The following COL28A1 variants were observed in gnomAD, a reference collection of about 807,000 sequenced individuals.
COL28A1 encodes the protein collagen type XXVIII alpha 1 chain.
COL28A1 carries 161 observed loss-of-function variants against 150.2 expected under a neutral mutation model. That is an observed-to-expected ratio of 1.07 (90% CI 0.94 to 1.22). The LOEUF (loss-of-function observed/expected upper bound fraction) is 1.22. Ranked by LOEUF, COL28A1 falls within the 50% of genes most tolerant of loss-of-function variation. The probability of loss-of-function intolerance (pLI) is 0.00; values close to 1 mark genes in which losing one functional copy is unlikely to be tolerated. For synonymous variants in COL28A1, 552 were observed against 469.7 expected (o/e 1.18, Z -2.26); for missense variants, 1,617 against 1,388.3 (o/e 1.16, Z -2.62).
intron 25 of COL28A1, among the ~76,000 whole-genome samples, chr7:7,423,083 T>A (rs58711913): frequency 0.021 from 3,173 of 152,314 alleles, 105 homozygotes; most frequent in African/African-American, 0.071. Context: ...TATTAAGGAA[T>A]TGTTCATTTG....
At chr7:7,529,402 A>C (rs182307705) in intron 3 of COL28A1, among the ~76,000 whole-genome samples, 73 of 152,184 alleles carry the variant, frequency 4.8e-4, no homozygotes, top group African/African-American at 1.7e-3. Flanking sequence ...GGATCCTGTA[A>C]GTGTTTGGAA....
chr7:7,436,254 TAAAAAAAGGG>T, intron 23 of COL28A1, 131 bp downstream of exon 23: 1 of 657,142 alleles, frequency 1.5e-6, no homozygotes, highest in Admixed American at 2.8e-5. Context: ...CTTGTTTTTT[TAAAAAAAGGG>T]AATAGCTATA....
chr7:7,413,459 G>C (rs1337491834), intron 27 of COL28A1, among the ~76,000 whole-genome samples: 1 of 152,126 alleles, frequency 6.6e-6, no homozygotes, highest in African/African-American at 2.4e-5. Flanking sequence ...CACAGCATGA[G>C]TACCTTTCCA....
chr7:7,418,897 T>C (rs576368020), intron 26 of COL28A1, among the ~76,000 whole-genome samples: 4 of 152,306 alleles, frequency 2.6e-5, no homozygotes, highest in African/African-American at 7.2e-5. Flanking sequence ...ACCGCCAAAA[T>C]TGAGTTGAGG....
chr7:7,474,713 GAATTT>G (rs1272591038), intron 14 of COL28A1, 44 bp from the exon 15 acceptor site: 1 of 879,802 alleles, frequency 1.1e-6, no homozygotes, highest in Non-Finnish European at 1.9e-6. Context: ...ACCAAAATCT[GAATTT>G]TAAAAGAGTT....
downstream of COL28A1, among the ~76,000 whole-genome samples, chr7:7,351,486 T>C (rs887917224): frequency 6.6e-6 from 1 of 152,114 alleles, no homozygotes; most frequent in Non-Finnish European, 1.5e-5. Flanking sequence ...GGGGTGTTTG[T>C]CTAAAGGTTA....
At chr7:7,506,376 T>C (rs1165232221) in intron 10 of COL28A1, among the ~76,000 whole-genome samples, 1 of 152,242 alleles carries the variant, frequency 6.6e-6, no homozygotes, top group South Asian at 2.1e-4. Flanking sequence ...CAGTTAAGTA[T>C]CTTCTTTTTT....
At chr7:7,533,087 A>G (rs1782459425) in intron 1 of COL28A1, among the ~76,000 whole-genome samples, 175 bp from the exon 2 acceptor site, 1 of 152,190 alleles carries the variant, frequency 6.6e-6, no homozygotes, top group Admixed American at 6.6e-5. Flanking sequence ...CAAATAAATC[A>G]TGGCACCATG....
chr7:7,516,091 G>C (rs1781400676), intron 7 of COL28A1, among the ~76,000 whole-genome samples: 1 of 152,160 alleles, frequency 6.6e-6, no homozygotes, highest in Admixed American at 6.5e-5. Flanking sequence ...TCCATATCCA[G>C]TTTCTTGCCC....
intron 27 of COL28A1, among the ~76,000 whole-genome samples, chr7:7,416,171 T>C (rs1784065905): frequency 6.6e-6 from 1 of 152,110 alleles, no homozygotes; most frequent in Non-Finnish European, 1.5e-5. Flanking sequence ...CAGCCCTAAG[T>C]GAAGGAAAAG....
At chr7:7,361,356 C>T (rs1413955585) in intron 33 of COL28A1, among the ~76,000 whole-genome samples, 1 of 152,122 alleles carries the variant, frequency 6.6e-6, no homozygotes, top group Non-Finnish European at 1.5e-5. Flanking sequence ...GGTATAGACC[C>T]AGTAATGGGA....
chr7:7,429,475 G>C (rs12666360), intron 25 of COL28A1, among the ~76,000 whole-genome samples: 4 of 137,718 alleles, frequency 2.9e-5, no homozygotes, highest in Non-Finnish European at 4.5e-5. Flanking sequence ...TGTGTGTGTG[G>C]GGGGGGGGAT....
chr7:7,531,637 G>T lies in COL28A1; in HGVS notation c.392C>A (p.Thr131Asn), dbSNP rs1782364760. 6.2e-7 allele frequency: 1 copy of T among 1,603,896 alleles called. No homozygotes were observed. Among genetic ancestry groups the T allele is most frequent in the East Asian group, 2.2e-5 (1 of 44,832 alleles). The stretch of plus-strand genomic sequence containing the variant: ...ATTGGAAATGGCATAATAAGAGAAG[G>T]TACCTTGCCCTATTAAATTCATAGA... ...VKSMNLIGQG[T>N]FSYYAISNAT... The change falls in exon 3 of 35, where the codon ACC (threonine) becomes AAC (asparagine). Residue 131 changes from threonine to asparagine, a missense_variant. Transcript: ENST00000399429.
chr7:7,359,619 G>A (rs1049051555), intron 34 of COL28A1, among the ~76,000 whole-genome samples: 4 of 152,124 alleles, frequency 2.6e-5, no homozygotes, highest in African/African-American at 9.7e-5. Context: ...TCCCCAAATA[G>A]ATAATTGCTA....
At chr7:7,513,311 T>C (rs562880795) in intron 8 of COL28A1, among the ~76,000 whole-genome samples, 12 of 152,348 alleles carry the variant, frequency 7.9e-5, no homozygotes, top group Non-Finnish European at 1.5e-4. Flanking sequence ...AATTTGAGTC[T>C]GTTAGGCTCT....
At chr7:7,400,977 T>TGTGTGTGG (rs1783151566) in intron 27 of COL28A1, among the ~76,000 whole-genome samples, 1 of 48,406 alleles carries the variant, frequency 2.1e-5, no homozygotes, top group Non-Finnish European at 4.7e-5. Context: ...GGTATTTGGG[T>TGTGTGTGG]GTGTGTGTGT....
rs749504448 is a variant in COL28A1 at position 7,432,576 on chromosome 7, C to CTG, written c.1930-36_1930-35insCA. On this transcript the variant is annotated intron_variant, in intron 24 of 34. Coordinates refer to ENST00000399429, the MANE Select transcript of COL28A1 (RefSeq NM_001037763.3). Reference sequence around the variant, plus strand: ...CACAGTAAGGGAGGGAGTGAGCATCCTTGTAGTATGCAACACTCAAAAAGG... The same window carrying CTG: ...CACAGTAAGGGAGGGAGTGAGCATCCTGTTGTAGTATGCAACACTCAAAAAGG... 5.0e-6 allele frequency: 8 copies of CTG among 1,611,710 alleles called. No individual in the cohort carries two copies. The Admixed American group carries it at 1.3e-4, about 27-fold the overall frequency.
chr7:7,385,042 C>A (rs772148927), intron 27 of COL28A1, among the ~76,000 whole-genome samples: 18 of 152,200 alleles, frequency 1.2e-4, no homozygotes, highest in Non-Finnish European at 2.4e-4. Flanking sequence ...TACAGACTAG[C>A]AGCCAGCCCC....
At chr7:7,381,142 A>G (rs572626881) in intron 28 of COL28A1, among the ~76,000 whole-genome samples, 1 of 152,316 alleles carries the variant, frequency 6.6e-6, no homozygotes, top group Non-Finnish European at 1.5e-5. Flanking sequence ...TTATTACACA[A>G]TTTACCGGGT....
Sources: gnomAD v4.1 joint callset for allele counts (sites outside exome capture counted in the v4.1 genomes callset) on GRCh38, gnomAD v4.1.1 for gene constraint, MANE v1.5 for transcripts, NCBI Gene and HGNC (gene_info 2026-07-23, HGNC 2026-07-21) for gene names.